The following SYTL3 variants were observed in gnomAD, a reference collection of about 807,000 sequenced individuals.
SYTL3 encodes the protein synaptotagmin-like protein 3.
Under a neutral mutation model 82.1 loss-of-function variants are expected in SYTL3, and 88 were observed. The ratio of observed to expected loss-of-function variants is 1.07; its 90% CI spans 0.90 to 1.28. SYTL3 has a LOEUF of 1.28. Among genes scored for constraint, SYTL3 ranks in the 50% most tolerant of loss-of-function variants. The pLI is 0.00. For missense variants in SYTL3, 831 were observed against 757.6 expected (o/e 1.10, Z -1.14); for synonymous variants, 311 against 289.4 (o/e 1.07, Z -0.76).
chr6:158,749,516 T>C (rs1447132820), intron 12 of SYTL3, among the ~76,000 whole-genome samples: 20 of 140,396 alleles, frequency 1.4e-4, no homozygotes, highest in African/African-American at 5.2e-4. Flanking sequence ...TCTTTTTTTT[T>C]TTTTTTTTTT....
At chr6:158,682,896 T>C in intron 5 of SYTL3, 29 bp from the exon 6 acceptor site, 1 of 1,583,668 alleles carries the variant, frequency 6.3e-7, no homozygotes, top group East Asian at 2.2e-5. Context: ...CTTCTCTCTC[T>C]GAAGCTTCCT....
intron 8 of SYTL3, among the ~76,000 whole-genome samples, chr6:158,713,421 G>A (rs1782982777): frequency 6.6e-6 from 1 of 152,066 alleles, no homozygotes; most frequent in African/African-American, 2.4e-5. Context: ...ATGGAGTTGG[G>A]GTGGGGCCAT....
chr6:158,670,662 A>G (rs1031544388), intron 5 of SYTL3, among the ~76,000 whole-genome samples: 1 of 151,976 alleles, frequency 6.6e-6, no homozygotes, highest in Admixed American at 6.6e-5. Flanking sequence ...AGGCGCCTGT[A>G]ATCCCAGCTA....
chr6:158,680,883 T>C (rs950627838), intron 5 of SYTL3, among the ~76,000 whole-genome samples: 5 of 152,210 alleles, frequency 3.3e-5, no homozygotes, highest in African/African-American at 9.7e-5. Context: ...AGAAAGTTAG[T>C]TGATATCTTC....
In SYTL3 at chr6:158,740,841, A is replaced by G. The variant is rs117183113; in HGVS notation, c.856-4639A>G. On this transcript the variant is annotated intron_variant, in intron 11 of 17. Transcript: ENST00000611299. ...ATTAATAAAAGTAGGATCCATTACAATCAACACATTTTTGCCAAAGAGAAA... is the reference window on the plus strand; with the variant it reads ...ATTAATAAAAGTAGGATCCATTACAGTCAACACATTTTTGCCAAAGAGAAA... Among the ~76,000 whole-genome samples the G allele has an allele frequency of 2.5e-3, 386 of 152,310 alleles. 14 individuals are homozygous for G. The East Asian group carries it at 0.07, about 28-fold the overall frequency.
intron 6 of SYTL3, among the ~76,000 whole-genome samples, chr6:158,684,537 A>G (rs1779086518): frequency 1.3e-5 from 2 of 152,138 alleles, no homozygotes; most frequent in South Asian, 4.1e-4. Context: ...ACATCTGACT[A>G]TATCAGGGAT....
intron 12 of SYTL3, among the ~76,000 whole-genome samples, chr6:158,749,507 C>CTTTTTTTTTTTTTTTTTT (rs765386344): frequency 3.0e-5 from 2 of 66,024 alleles, no homozygotes; most frequent in Admixed American, 1.8e-4. Flanking sequence ...TTCTTTCTCT[C>CTTTTTTTTTTTTTTTTTT]TTTTTTTTTT....
At chr6:158,689,228 G>A (rs755242656) in intron 6 of SYTL3, among the ~76,000 whole-genome samples, 3 of 152,122 alleles carry the variant, frequency 2.0e-5, no homozygotes, top group Non-Finnish European at 4.4e-5. Context: ...ATGAAGGTTA[G>A]GAATGTTGCC....
intron 2 of SYTL3, among the ~76,000 whole-genome samples, chr6:158,654,499 C>T (rs1275125944): frequency 6.6e-6 from 1 of 152,152 alleles, no homozygotes; most frequent in Non-Finnish European, 1.5e-5. Context: ...CCCATGGCTG[C>T]CCGCGTCCCT....
chr6:158,746,345 G>A (rs948517136), intron 12 of SYTL3, among the ~76,000 whole-genome samples: 6 of 151,480 alleles, frequency 4.0e-5, no homozygotes, highest in Non-Finnish European at 5.9e-5. Context: ...GGCTTTCCAC[G>A]CAGGAAATAC....
At position 158,725,513 on chromosome 6, in the gene SYTL3, C is replaced by T. The variant is rs755676311; in HGVS notation, c.731C>T (p.Ala244Val). The T allele has an allele frequency of 4.3e-6, 7 of 1,614,022 alleles. No individual in the cohort carries two copies. In the East Asian group the frequency reaches 6.7e-5, roughly 15 times the overall value. ...AVNVTTRKVS[A>V]PDILKPLNQE... ...TTTTTCCTTCTCCAGAAGGTCAGTG[C>T]ACCAGATATTCTGAAACCTCTCAAT... Residue 244 changes from alanine to valine, a missense_variant, in exon 11 of 18, where the codon GCA (alanine) becomes GTA (valine). Ala to Val is a moderately conservative substitution (Grantham distance 64, BLOSUM62 0). Coordinates refer to ENST00000611299, the MANE Select transcript of SYTL3 (RefSeq NM_001242394.2).
chr6:158,763,368 T>C lies in SYTL3; in HGVS notation c.1582T>C (p.Cys528Arg). ...LKSPVLRKQA[C>R]PQWKHSFVFS... Reference sequence around the variant, plus strand: ...GTCGCCAGTCCTGAGGAAGCAGGCTTGCCCCCAGTGGAAACACTCATTTGT... The same window carrying C: ...GTCGCCAGTCCTGAGGAAGCAGGCTCGCCCCCAGTGGAAACACTCATTTGT... The change falls in exon 17 of 18, where the codon TGC becomes CGC. Residue 528 changes from cysteine to arginine, a missense_variant. Coordinates refer to ENST00000611299, the MANE Select transcript of SYTL3 (RefSeq NM_001242394.2). 1.2e-6 allele frequency: 2 copies of C among 1,614,244 alleles called. No individual in the cohort carries two copies.
At chr6:158,692,231 C>A (rs1230638927) in intron 6 of SYTL3, among the ~76,000 whole-genome samples, 2 of 111,514 alleles carry the variant, frequency 1.8e-5, no homozygotes, top group African/African-American at 6.8e-5. Context: ...GCACTCCAGC[C>A]TGGGCGACAG....
chr6:158,745,488 A>C lies in SYTL3; in HGVS notation c.864A>C (p.Leu288Phe). Reference protein sequence around the residue: ...IFSGGFRHGSLISIDSTCTEM... With the variant: ...IFSGGFRHGSFISIDSTCTEM... ...GTTATTCTTGATTTCAGGGAAGTTT[A>C]ATTAGCATTGACAGCACCTGTACAG... Residue 288 changes from leucine (L) to phenylalanine (F), a missense_variant, in exon 12 of 18, where the codon TTA becomes TTC. Leu to Phe is a conservative substitution (Grantham distance 22, BLOSUM62 0). Transcript: ENST00000611299. 6.2e-7 allele frequency: 1 copy of C among 1,607,588 alleles called. No individual in the cohort carries two copies. Among genetic ancestry groups the C allele is most frequent in the Non-Finnish European group, 8.5e-7 (1 of 1,178,502 alleles).
intron 11 of SYTL3, among the ~76,000 whole-genome samples, chr6:158,729,880 A>T (rs1437344308): frequency 1.5e-4 from 16 of 107,442 alleles, no homozygotes; most frequent in East Asian, 1.2e-3. Context: ...TTTTTTTTTT[A>T]AAGTTTCCTT....
chr6:158,669,872 C>A (rs146455207), intron 5 of SYTL3, among the ~76,000 whole-genome samples: 1 of 152,274 alleles, frequency 6.6e-6, no homozygotes, highest in East Asian at 1.9e-4. Flanking sequence ...AATGCCCAAG[C>A]GGGAGGATCA....
chr6:158,678,383 T>C (rs1416786010), intron 5 of SYTL3, among the ~76,000 whole-genome samples: 1 of 152,130 alleles, frequency 6.6e-6, no homozygotes, highest in Non-Finnish European at 1.5e-5. Flanking sequence ...CATGCTGACT[T>C]TTCTTGGAAC....
chr6:158,686,720 T>C (rs1162337020), intron 6 of SYTL3, among the ~76,000 whole-genome samples: 1 of 151,934 alleles, frequency 6.6e-6, no homozygotes, highest in Non-Finnish European at 1.5e-5. Context: ...AATAAGAATT[T>C]ACTTTAGGGA....
rs772658315 is a variant in SYTL3, at chr6:158,663,235, T to A, written c.-34T>A. 2.5e-6 allele frequency: 4 copies of A among 1,606,042 alleles called. No homozygotes were observed. Among genetic ancestry groups the A allele is most frequent in the African/African-American group, 1.3e-5 (1 of 74,758 alleles). On this transcript the variant is annotated 5_prime_UTR_variant, in exon 4 of 18. Coordinates refer to ENST00000611299, the MANE Select transcript of SYTL3 (RefSeq NM_001242394.2). Reference sequence around the variant, plus strand: ...GAGCGCTTGGTCCATGCAGTGAAGCTCTTCCAACCTGGGTCAACGAAAACG... The same window carrying A: ...GAGCGCTTGGTCCATGCAGTGAAGCACTTCCAACCTGGGTCAACGAAAACG...
Sources: allele counts gnomAD v4.1 joint callset (sites outside exome capture counted in the v4.1 genomes callset), GRCh38; gene constraint gnomAD v4.1.1; transcripts MANE v1.5; gene names NCBI Gene and HGNC (gene_info 2026-07-23, HGNC 2026-07-21).